The following USP4 variants were observed in gnomAD, a reference collection of about 807,000 sequenced individuals.
The protein encoded by USP4 is ubiquitin specific peptidase 4, also known as ubiquitin carboxyl-terminal hydrolase 4.
A neutral mutation model predicts 118.2 loss-of-function variants in USP4; 72 were observed. The observed-to-expected ratio is 0.61, with a 90% CI of 0.50 to 0.74. The LOEUF is 0.74. Among genes scored for constraint, USP4 ranks in the 30% least tolerant of loss-of-function variants. The pLI is 0.00. For synonymous variants in USP4, 415 were observed against 440.4 expected (o/e 0.94, Z 0.72); for missense variants, 1,037 against 1,185.7 (o/e 0.87, Z 1.84).
chr3:49,287,507 C>G (rs1230897579), intron 15 of USP4, among the ~76,000 whole-genome samples: 2 of 151,952 alleles, frequency 1.3e-5, no homozygotes, highest in Non-Finnish European at 2.9e-5. Flanking sequence ...GAGTCTCACT[C>G]TGTTGCCCAG....
chr3:49,315,302 C>T (rs2047423748), intron 6 of USP4, among the ~76,000 whole-genome samples: 1 of 152,120 alleles, frequency 6.6e-6, no homozygotes, highest in Admixed American at 6.6e-5. Context: ...GAACTATGAT[C>T]ATGCCATTGC....
At chr3:49,300,394 G>A (rs965637711) in intron 11 of USP4, 73 bp downstream of exon 11, 6 of 1,409,628 alleles carry the variant, frequency 4.3e-6, no homozygotes, top group Middle Eastern at 2.0e-4. Flanking sequence ...CAATGCAGCA[G>A]ATAGGAGCAG....
chr3:49,298,467 A>T, intron 12 of USP4, 85 bp downstream of exon 12: 1 of 1,343,962 alleles, frequency 7.4e-7, no homozygotes, highest in Non-Finnish European at 1.1e-6. Flanking sequence ...AACAACCCCA[A>T]AAAGTGGCTT....
intron 8 of USP4, among the ~76,000 whole-genome samples, chr3:49,307,309 G>A (rs1015161086): frequency 7.3e-5 from 11 of 151,312 alleles, no homozygotes; most frequent in Non-Finnish European, 1.2e-4. Flanking sequence ...TTAGCTGGGC[G>A]TAGTGGCACA....
At chr3:49,295,117 A>G (rs184152196) in intron 13 of USP4, among the ~76,000 whole-genome samples, 161 of 152,024 alleles carry the variant, frequency 1.1e-3, no homozygotes, top group South Asian at 3.1e-3. Context: ...GTGAAACCCC[A>G]TCTCTTCTAA....
intron 9 of USP4, among the ~76,000 whole-genome samples, chr3:49,303,390 G>A (rs190694997): frequency 7.2e-4 from 92 of 127,964 alleles, no homozygotes; most frequent in Non-Finnish European, 1.1e-3. Flanking sequence ...GCAGTGAGCC[G>A]AAATTGTGCC....
chr3:49,278,396 G>A lies in USP4; in HGVS notation c.2789C>T (p.Thr930Ile), dbSNP rs1169050684. 2 of 1,614,010 alleles carry A rather than the reference G, an allele frequency of 1.2e-6. No homozygotes were observed. The highest frequency in any genetic ancestry group is 1.1e-5 in the South Asian group (1 of 91,090). Residue 930 changes from threonine (T) to isoleucine (I), a missense_variant, in exon 22 of 22, where the codon ACA (threonine) becomes ATA (isoleucine). Coordinates refer to ENST00000265560, the MANE Select transcript of USP4 (RefSeq NM_003363.4). The stretch of plus-strand genomic sequence containing the variant: ...GGAACCAGAACTGCTAAGTGAAGGT[G>A]TCTTATAAAATTCATCATCTCGACG... ...YQRRDDEFYK[T>I]PSLSSSGSSD...
intron 20 of USP4, 73 bp from the exon 21 acceptor site, chr3:49,278,975 T>A: frequency 1.0e-6 from 1 of 990,774 alleles, no homozygotes; most frequent in Non-Finnish European, 1.5e-6. Flanking sequence ...AGGCTTGCAC[T>A]AAATAAACAC....
chr3:49,298,877 T>G (rs1436742406), intron 11 of USP4, among the ~76,000 whole-genome samples: 1 of 152,226 alleles, frequency 6.6e-6, no homozygotes, highest in African/African-American at 2.4e-5. Flanking sequence ...ATTGCTTCAT[T>G]TTATTCTTAA....
intron 2 of USP4, among the ~76,000 whole-genome samples, chr3:49,328,113 A>C (rs2047576227): frequency 6.6e-6 from 1 of 152,078 alleles, no homozygotes; most frequent in African/African-American, 2.4e-5. Flanking sequence ...TGTAATCAGC[A>C]CTTTCGGAGG....
At chr3:49,310,089 C>T (rs2047368380) in intron 8 of USP4, among the ~76,000 whole-genome samples, 1 of 150,906 alleles carries the variant, frequency 6.6e-6, no homozygotes, top group Non-Finnish European at 1.5e-5. Context: ...GCTGGGACTA[C>T]AGATGCATGC....
At chr3:49,312,628 A>G (rs2047395952) in intron 6 of USP4, 5 of 375,208 alleles carry the variant, frequency 1.3e-5, no homozygotes, top group Non-Finnish European at 2.7e-5. Flanking sequence ...CTCAAAAAAA[A>G]AGAAAATAAA....
chr3:49,330,679 G>GT lies in USP4; in HGVS notation c.230-2864dup, dbSNP rs1183324891. Among the ~76,000 whole-genome samples, 7 of 152,024 alleles carry GT rather than the reference G, an allele frequency of 4.6e-5. No homozygotes were observed. The East Asian group carries it at 1.4e-3, about 30-fold the overall frequency. ...GCTCAGTGCTTTTTCTGAGCAGTAG[G>GT]TCTCAACCCTGAGCTAAAAATATTG... On this transcript the variant is annotated intron_variant, in intron 2 of 21. Coordinates refer to ENST00000265560, the MANE Select transcript of USP4 (RefSeq NM_003363.4).
chr3:49,284,520 C>T lies in USP4; in HGVS notation c.2336G>A (p.Arg779Lys), dbSNP rs777838611. ...GGTGGTGAAGAGCTCGATGCAGTCTCTCAGGGCCACTGTGGTCTTCTTCTT... is the reference window on the plus strand; with the variant it reads ...GGTGGTGAAGAGCTCGATGCAGTCTTTCAGGGCCACTGTGGTCTTCTTCTT... ...QKKKKTTVAL[R>K]DCIELFTTME... The change falls in exon 18 of 22, where the codon AGA becomes AAA. Residue 779 changes from arginine to lysine, a missense_variant. Arg to Lys is a conservative substitution (Grantham distance 26). Coordinates refer to ENST00000265560, the MANE Select transcript of USP4 (RefSeq NM_003363.4). The T allele has an allele frequency of 6.2e-7, 1 of 1,614,148 alleles. No individual in the cohort carries two copies. Among genetic ancestry groups the T allele is most frequent in the Non-Finnish European group, 8.5e-7 (1 of 1,180,044 alleles).
chr3:49,282,821 C>T (rs1172608646), intron 19 of USP4, among the ~76,000 whole-genome samples: 1 of 151,664 alleles, frequency 6.6e-6, no homozygotes, highest in African/African-American at 2.4e-5. Context: ...AATTCTCCTG[C>T]CTCAGCCTCC....
intron 4 of USP4, 86 bp downstream of exon 4, chr3:49,325,633 A>G: frequency 3.9e-6 from 6 of 1,543,564 alleles, no homozygotes; most frequent in Non-Finnish European, 4.4e-6. Context: ...AAGAGGGCAT[A>G]TAAAATAATG....
chr3:49,302,652 A>C (rs2047273627), intron 9 of USP4, 110 bp from the exon 10 acceptor site: 2 of 1,103,228 alleles, frequency 1.8e-6, no homozygotes, highest in Non-Finnish European at 2.5e-6. Flanking sequence ...GCAGTGAGAG[A>C]GAACACTTGG....
At chr3:49,332,451 C>CAA (rs879374052) in intron 2 of USP4, among the ~76,000 whole-genome samples, 2 of 135,104 alleles carry the variant, frequency 1.5e-5, no homozygotes, top group African/African-American at 5.4e-5. Flanking sequence ...GACCCTGTCT[C>CAA]AAAAAAAAAA....
chr3:49,284,608 T>C, intron 17 of USP4, 24 bp from the exon 18 acceptor site: 1 of 1,602,474 alleles, frequency 6.2e-7, no homozygotes, highest in Non-Finnish European at 8.5e-7. Context: ...AGCACTCAGT[T>C]CTGCTGGAGA....
Sources: allele counts gnomAD v4.1 joint callset (sites outside exome capture counted in the v4.1 genomes callset), GRCh38; gene constraint gnomAD v4.1.1; transcripts MANE v1.5; gene names NCBI Gene and HGNC (gene_info 2026-07-23, HGNC 2026-07-21).